The following RBPJ variants were observed in gnomAD, a reference collection of about 807,000 sequenced individuals.
The protein encoded by RBPJ is recombination signal binding protein for immunoglobulin kappa J region.
Under a neutral mutation model 67.8 loss-of-function variants are expected in RBPJ, and 9 were observed. That is an observed-to-expected ratio of 0.13 (90% confidence interval 0.08 to 0.23). RBPJ has a LOEUF of 0.23. Among genes scored for constraint, RBPJ ranks in the 10% least tolerant of loss-of-function variants. The pLI is 1.00. For missense variants in RBPJ, 305 were observed against 595.6 expected, an observed-to-expected ratio of 0.51 and a Z score of 5.08; for synonymous variants, 198 against 203.3, an observed-to-expected ratio of 0.97 and a Z score of 0.22.
intron 1 of RBPJ, among the ~76,000 whole-genome samples, chr4:26,292,187 G>T (rs1333251377): frequency 6.6e-6 from 1 of 150,458 alleles, no homozygotes; most frequent in Non-Finnish European, 1.5e-5. Flanking sequence ...TCTTATAACT[G>T]AAAGTTTGTA....
chr4:26,250,960 A>G (rs1342826775), intron 1 of RBPJ, among the ~76,000 whole-genome samples: 1 of 152,214 alleles, frequency 6.6e-6, no homozygotes, highest in African/African-American at 2.4e-5. Flanking sequence ...GGACTATATG[A>G]TGTAAACGCA....
At chr4:26,350,185 C>G (rs1303805636) in intron 1 of RBPJ, among the ~76,000 whole-genome samples, 3 of 152,082 alleles carry the variant, frequency 2.0e-5, no homozygotes, top group African/African-American at 4.8e-5. Flanking sequence ...CATTAAGAAG[C>G]CAGCAAAGAC....
At chr4:26,382,911 C>A (rs1035281828) in intron 1 of RBPJ, among the ~76,000 whole-genome samples, 18 of 152,140 alleles carry the variant, frequency 1.2e-4, no homozygotes, top group African/African-American at 4.3e-4. Flanking sequence ...CTTATTCTTT[C>A]CATACTCCAA....
At chr4:26,256,688 T>C (rs1447827095) in intron 1 of RBPJ, among the ~76,000 whole-genome samples, 2 of 152,294 alleles carry the variant, frequency 1.3e-5, no homozygotes, top group Middle Eastern at 3.4e-3. Context: ...GAAATCAGTA[T>C]CAGTTGTAAG....
the RBPJ span, among the ~76,000 whole-genome samples, chr4:26,126,665 C>T: frequency 6.6e-6 from 1 of 152,200 alleles, no homozygotes; most frequent in Non-Finnish European, 1.5e-5. Context: ...AATATCATCC[C>T]AATATATTCA....
chr4:26,371,165 GT>G (rs1165911583), intron 1 of RBPJ, among the ~76,000 whole-genome samples: 1 of 151,764 alleles, frequency 6.6e-6, no homozygotes, highest in Non-Finnish European at 1.5e-5. Context: ...TTACAGATCA[GT>G]TTTTTTAAAT....
intron 1 of RBPJ, among the ~76,000 whole-genome samples, chr4:26,196,860 G>C (rs1184572972): frequency 6.6e-6 from 1 of 152,124 alleles, no homozygotes; most frequent in Non-Finnish European, 1.5e-5. Context: ...GAGAGGCTTG[G>C]ATTGCTCCTC....
chr4:26,385,564 G>T (rs1730825465), intron 1 of RBPJ, among the ~76,000 whole-genome samples: 1 of 152,060 alleles, frequency 6.6e-6, no homozygotes, highest in Non-Finnish European at 1.5e-5. Context: ...TCTTGCCTTT[G>T]CTCTTGCTTT....
chr4:26,319,095 A>G (rs1722776161), upstream of RBPJ, among the ~76,000 whole-genome samples: 1 of 151,804 alleles, frequency 6.6e-6, no homozygotes, highest in Non-Finnish European at 1.5e-5. Flanking sequence ...TGGCCAGACT[A>G]GGTGACTCAA....
chr4:26,147,051 C>T, the RBPJ span, among the ~76,000 whole-genome samples: 30 of 152,134 alleles, frequency 2.0e-4, no homozygotes, highest in Non-Finnish European at 1.6e-4. Context: ...AAGGCATGGT[C>T]CTGGAGGGCT....
chr4:26,302,309 C>T (rs1305300255), intron 1 of RBPJ, among the ~76,000 whole-genome samples: 2 of 152,128 alleles, frequency 1.3e-5, no homozygotes, highest in African/African-American at 4.8e-5. Flanking sequence ...TAAGATAGAG[C>T]CTTAAATTGG....
intron 1 of RBPJ, among the ~76,000 whole-genome samples, chr4:26,312,942 A>T (rs1448213773): frequency 6.6e-6 from 1 of 152,184 alleles, no homozygotes; most frequent in Non-Finnish European, 1.5e-5. Flanking sequence ...ATGACAGATG[A>T]CAGGTTCTCT....
chr4:26,131,719 G>C, the RBPJ span, among the ~76,000 whole-genome samples: 1 of 152,196 alleles, frequency 6.6e-6, no homozygotes, highest in Non-Finnish European at 1.5e-5. Context: ...GATCAAGACA[G>C]AATGGTGGCC....
At chr4:26,320,899 G>A (rs1459438640), upstream of RBPJ, 3 of 1,592,978 alleles carry the variant, frequency 1.9e-6, no homozygotes, top group South Asian at 1.1e-5. Flanking sequence ...CGGCGGCGAG[G>A]GGAAAGGGAG....
At chr4:26,416,519 C>T (rs533752790) in intron 4 of RBPJ, among the ~76,000 whole-genome samples, 45 of 152,234 alleles carry the variant, frequency 3.0e-4, no homozygotes, top group Non-Finnish European at 5.0e-4. Context: ...TGTGTGCCAC[C>T]GTGTCCAGCC....
intron 1 of RBPJ, chr4:26,362,767 A>G (rs1387367980): frequency 1.5e-6 from 1 of 686,654 alleles, no homozygotes; most frequent in African/African-American, 1.8e-5. Flanking sequence ...TTGATTATAG[A>G]TGTGGTTATG....
intron 1 of RBPJ, among the ~76,000 whole-genome samples, chr4:26,212,518 C>T (rs1460089256): frequency 6.9e-6 from 1 of 144,084 alleles, no homozygotes; most frequent in Non-Finnish European, 1.5e-5. Flanking sequence ...CTCACTGCAA[C>T]TTCCACCTCC....
chr4:26,318,996 C>CAAAAA (rs201084739), upstream of RBPJ, among the ~76,000 whole-genome samples: 23 of 83,890 alleles, frequency 2.7e-4, no homozygotes, highest in Non-Finnish European at 3.7e-4. Flanking sequence ...GACTCCGTCT[C>CAAAAA]AAAAAAAAAA....
At chr4:26,267,886 G>C (rs1431051086) in intron 1 of RBPJ, among the ~76,000 whole-genome samples, 1 of 152,016 alleles carries the variant, frequency 6.6e-6, no homozygotes, top group Non-Finnish European at 1.5e-5. Context: ...GGGATTACAG[G>C]CGTGAGCCAC....
Sources: allele counts gnomAD v4.1 joint callset (sites outside exome capture counted in the v4.1 genomes callset), GRCh38; gene constraint gnomAD v4.1.1; transcripts MANE v1.5; gene names NCBI Gene and HGNC (gene_info 2026-07-23, HGNC 2026-07-21).